NEMF: variants seen among roughly 807,000 people sequenced by gnomAD.
NEMF encodes nuclear export mediator factor, also known as ribosome quality control complex subunit NEMF.
In NEMF, 89 loss-of-function variants were observed where a neutral mutation model predicts 162.2. That is an observed-to-expected ratio of 0.55 (90% CI 0.46 to 0.65). The LOEUF is 0.65. Among genes scored for constraint, NEMF ranks in the 30% least tolerant of loss-of-function variants. The pLI is 0.00. For missense variants in NEMF, 1,133 were observed against 1,261.9 expected, an observed-to-expected ratio of 0.90 and a Z score of 1.55; for synonymous variants, 421 against 404.5, an observed-to-expected ratio of 1.04 and a Z score of -0.49.
At chr14:49,788,185 C>T (rs1394026153) in intron 28 of NEMF, among the ~76,000 whole-genome samples, 2 of 142,910 alleles carry the variant, frequency 1.4e-5, no homozygotes, top group Non-Finnish European at 3.0e-5. Context: ...AGGCTGAGGC[C>T]GGATAATTGC....
intron 18 of NEMF, among the ~76,000 whole-genome samples, chr14:49,809,744 C>A (rs889218951): frequency 6.6e-6 from 1 of 152,070 alleles, no homozygotes; most frequent in African/African-American, 2.4e-5. Context: ...CCTGTTAATT[C>A]CAGCTACTCT....
chr14:49,812,700 G>C (rs894111251), intron 18 of NEMF, among the ~76,000 whole-genome samples: 2 of 151,746 alleles, frequency 1.3e-5, no homozygotes, highest in Admixed American at 1.3e-4. Flanking sequence ...ACATACTTAC[G>C]AATTTAAAAC....
rs1334947542 is a variant in NEMF, at chr14:49,844,735, G to GCACACACA, written c.357+1404_357+1405insTGTGTGTG. ...TACATACACACGCACGCGCACGCGCGCGCACACACACACACACACACACAC... is the reference window on the plus strand; with the variant it reads ...TACATACACACGCACGCGCACGCGCGCACACACACGCACACACACACACACACACACAC... On this transcript the variant is annotated intron_variant, in intron 4 of 32. Transcript: ENST00000298310. The GCACACACA allele has an allele frequency of 1.5e-3, 231 of 158,434 alleles. 1 individual carries two copies. The highest frequency in any genetic ancestry group is 5.8e-3 in the African/African-American group (222 of 38,582). 9.8% of individuals were successfully genotyped at this position (158,434 alleles called of 1,614,324 possible). A position where few individuals can be genotyped will look rare whatever the true frequency, so the allele number is the denominator to read the frequency against.
intron 25 of NEMF, 22 bp downstream of exon 25, chr14:49,799,453 T>A: frequency 1.3e-6 from 2 of 1,575,068 alleles, no homozygotes; most frequent in Admixed American, 2.0e-5. Context: ...GCTTTTTAGT[T>A]AATTAACACA....
chr14:49,847,137 G>A (rs899887854), intron 3 of NEMF, among the ~76,000 whole-genome samples: 1 of 151,942 alleles, frequency 6.6e-6, no homozygotes, highest in African/African-American at 2.4e-5. Context: ...GCCCACCTCA[G>A]CCTCCCAAAG....
At position 49,846,274 on chromosome 14, in the gene NEMF, A is replaced by C; in HGVS notation, c.232-9T>G. 6.2e-7 allele frequency: 1 copy of C among 1,608,240 alleles called. No homozygotes were observed. The highest frequency in any genetic ancestry group is 2.2e-5 in the East Asian group (1 of 44,838). On this transcript the variant is annotated splice_polypyrimidine_tract_variant and intron_variant, in intron 3 of 32. Transcript: ENST00000298310. ...TTCAAATGTTTTCGGCACTAGCAAG[A>C]GAAAGAAAAAGGCATTCATTTAGTA...
rs61982276 is a variant in NEMF at position 49,821,494 on chromosome 14, G to A, written c.1577+4373C>T. Among the ~76,000 whole-genome samples, 2 of 5,022 alleles carry A rather than the reference G, an allele frequency of 4.0e-4. 1 individual carries two copies. Among genetic ancestry groups the A allele is most frequent in the African/African-American group, 4.3e-4 (2 of 4,674 alleles). The allele number at this position is 5,022 out of a possible 152,430, so 3.3% of individuals were successfully genotyped here. A position where few individuals can be genotyped will look rare whatever the true frequency, so the allele number is the denominator to read the frequency against. On this transcript the variant is annotated intron_variant, in intron 16 of 32. Coordinates refer to ENST00000298310, the MANE Select transcript of NEMF (RefSeq NM_004713.6). ...AGCCCCCCGCCCAGTCAGCCGCCCC[G>A]TCCAGGAGGTGAGGGGTGCCTCTGC...
chr14:49,833,373 G>A (rs768429150), intron 8 of NEMF, 50 bp downstream of exon 8: 1 of 1,222,138 alleles, frequency 8.2e-7, no homozygotes, highest in Admixed American at 2.2e-5. Flanking sequence ...TTTAATTTCT[G>A]AAAACCCAAA....
At position 49,852,681 on chromosome 14, in the gene NEMF, T is replaced by C. The variant is rs1285159581; in HGVS notation, c.59+14A>G. ...GCACTCCCCACACGAGCCTCGTCAC[T>C]TAGGGTACTGTACCTAGCATTCAGC... On this transcript the variant is annotated intron_variant, in intron 1 of 32. Coordinates refer to ENST00000298310, the MANE Select transcript of NEMF (RefSeq NM_004713.6). The C allele has an allele frequency of 6.2e-7, 1 of 1,614,146 alleles. No homozygotes were observed. Among genetic ancestry groups the C allele is most frequent in the Non-Finnish European group, 8.5e-7 (1 of 1,179,972 alleles).
At chr14:49,801,691 G>A (rs889666366) in intron 22 of NEMF, among the ~76,000 whole-genome samples, 1 of 152,230 alleles carries the variant, frequency 6.6e-6, no homozygotes, top group Non-Finnish European at 1.5e-5. Context: ...GTTTCCTCAG[G>A]TAGGCAGATG....
At position 49,838,914 on chromosome 14, in the gene NEMF, A is replaced by C. The variant is rs56343649; in HGVS notation, c.507-708T>G. ...CTAACAACTTTTAACAATGCTGTACATCAATGTGGTCCCCATACCAGCATC... is the reference window on the plus strand; with the variant it reads ...CTAACAACTTTTAACAATGCTGTACCTCAATGTGGTCCCCATACCAGCATC... On this transcript the variant is annotated intron_variant, in intron 5 of 32. Transcript: ENST00000298310. Among the ~76,000 whole-genome samples, 1,207 of 151,948 alleles carry C rather than the reference A, an allele frequency of 7.9e-3. 7 individuals carry two copies. The highest frequency in any genetic ancestry group is 0.011 in the Non-Finnish European group (751 of 67,924).
intron 6 of NEMF, among the ~76,000 whole-genome samples, chr14:49,835,198 C>A (rs1364614038): frequency 7.0e-6 from 1 of 143,732 alleles, no homozygotes; most frequent in East Asian, 2.1e-4. Context: ...GAAACTCCGT[C>A]CCCCGCCCCA....
At chr14:49,840,228 G>C (rs1344346980) in intron 5 of NEMF, among the ~76,000 whole-genome samples, 2 of 152,176 alleles carry the variant, frequency 1.3e-5, no homozygotes, top group African/African-American at 2.4e-5. Flanking sequence ...TTGGGAGGCC[G>C]AGGCAGGCAG....
chr14:49,787,819 AAAC>A (rs942976341), intron 28 of NEMF, among the ~76,000 whole-genome samples: 4 of 152,230 alleles, frequency 2.6e-5, no homozygotes, highest in Admixed American at 6.5e-5. Context: ...TAGTATTACT[AAAC>A]AACAACTGTT....
chr14:49,851,158 T>A (rs1032035125), intron 3 of NEMF, among the ~76,000 whole-genome samples: 2 of 152,162 alleles, frequency 1.3e-5, no homozygotes, highest in Admixed American at 6.6e-5. Flanking sequence ...GAGCCAAGAC[T>A]GTGCCACTGC....
chr14:49,822,119 G>A (rs894877579), intron 16 of NEMF, among the ~76,000 whole-genome samples: 1 of 151,822 alleles, frequency 6.6e-6, no homozygotes, highest in Admixed American at 6.6e-5. Context: ...CAGCATGCTC[G>A]TTGAGAGTCA....
At chr14:49,813,965 C>G in intron 18 of NEMF, 23 bp downstream of exon 18, 1 of 1,333,756 alleles carries the variant, frequency 7.5e-7, no homozygotes, top group Non-Finnish European at 1.1e-6. Context: ...AACAGGAATT[C>G]TGAATAGAAA....
chr14:49,783,132 A>AAAT lies in NEMF; in HGVS notation c.*1503_*1504insATT. ...TCTAAAGTTTACAATAAATGTATTT[A>AAAT]ACACCAGTAGCTGTCCTCTATTAAA... is the stretch of plus-strand genomic sequence containing the variant. On this transcript the variant is annotated 3_prime_UTR_variant, in exon 33 of 33. Transcript: ENST00000298310. The AAAT allele has an allele frequency of 2.1e-6, 1 of 486,724 alleles. No individual in the cohort carries two copies. Among genetic ancestry groups the AAAT allele is most frequent in the Non-Finnish European group, 3.5e-6 (1 of 284,598 alleles). The allele number at this position is 486,724 out of a possible 1,614,324, so 30.2% of individuals were successfully genotyped here.
intron 18 of NEMF, among the ~76,000 whole-genome samples, chr14:49,813,311 A>G (rs1325320962): frequency 6.6e-6 from 1 of 152,164 alleles, no homozygotes; most frequent in African/African-American, 2.4e-5. Context: ...GTATAATGCA[A>G]ATACTTCAAA....
Sources: gnomAD v4.1 joint callset for allele counts (sites outside exome capture counted in the v4.1 genomes callset) on GRCh38, gnomAD v4.1.1 for gene constraint, MANE v1.5 for transcripts, NCBI Gene and HGNC (gene_info 2026-07-23, HGNC 2026-07-21) for gene names.